Variants in LRRC36 observed in about 807,000 individuals in gnomAD.
LRRC36 encodes the protein leucine-rich repeat-containing protein 36.
LRRC36 carries 62 observed loss-of-function variants against 81.1 expected under a neutral mutation model. That is an observed-to-expected ratio of 0.76 (90% CI 0.62 to 0.94). The LOEUF is 0.94. Among genes scored for constraint, LRRC36 ranks in the 40% least tolerant of loss-of-function variants. The pLI, the probability that LRRC36 is intolerant of heterozygous loss-of-function variation, is 0.00. For missense variants in LRRC36, 761 were observed against 881.7 expected (o/e 0.86, Z 1.73); for synonymous variants, 334 against 348.6 (o/e 0.96, Z 0.47).
chr16:67,355,697 T>C (rs1426833393), intron 5 of LRRC36, among the ~76,000 whole-genome samples: 2 of 152,200 alleles, frequency 1.3e-5, no homozygotes, highest in Non-Finnish European at 2.9e-5. Context: ...TTTTATATAC[T>C]GAGTTTAGTT....
At chr16:67,347,442 TTA>T (rs1163701269) in intron 3 of LRRC36, 51 bp from the exon 4 acceptor site, 1 of 1,607,274 alleles carries the variant, frequency 6.2e-7, no homozygotes, top group Non-Finnish European at 8.5e-7. Flanking sequence ...TAACTACTAG[TTA>T]TGTCTATGCC....
At position 67,326,832 on chromosome 16, in the gene LRRC36, G is replaced by T; in HGVS notation, c.-31G>T. ...GGCCTGGCGTGCGCCGGGTGGTCTC[G>T]CGGGCGGTGGCAGGTGAGCGGCGGG... On this transcript the variant is annotated 5_prime_UTR_variant, in exon 1 of 14. Transcript: ENST00000329956. 1 of 1,411,144 alleles carries T rather than the reference G, an allele frequency of 7.1e-7. No homozygotes were observed. The allele number at this position is 1,411,144 out of a possible 1,614,324, so 87.4% of individuals were successfully genotyped here.
intron 5 of LRRC36, among the ~76,000 whole-genome samples, chr16:67,350,607 T>C (rs1159721401): frequency 2.6e-5 from 4 of 152,208 alleles, no homozygotes; most frequent in Non-Finnish European, 4.4e-5. Flanking sequence ...TCTGCATACA[T>C]CCAGCTCACA....
chr16:67,366,963 T>C, intron 7 of LRRC36, 54 bp from the exon 8 acceptor site: 1 of 1,421,548 alleles, frequency 7.0e-7, no homozygotes, highest in Non-Finnish European at 9.6e-7. Flanking sequence ...TACTCCCAGC[T>C]AGGCCACAAA....
intron 8 of LRRC36, among the ~76,000 whole-genome samples, chr16:67,367,839 T>C (rs567406424): frequency 1.4e-4 from 21 of 152,154 alleles, no homozygotes; most frequent in African/African-American, 5.1e-4. Context: ...GATCACGAGG[T>C]CAGGAGTTCG....
chr16:67,341,369 G>T (rs1158190668), intron 1 of LRRC36, among the ~76,000 whole-genome samples: 1 of 149,172 alleles, frequency 6.7e-6, no homozygotes, highest in East Asian at 2.0e-4. Context: ...TTTAATTCTT[G>T]TAACACCTTA....
intron 1 of LRRC36, among the ~76,000 whole-genome samples, chr16:67,332,591 G>A (rs887742421): frequency 1.3e-5 from 2 of 152,058 alleles, no homozygotes; most frequent in African/African-American, 4.8e-5. Flanking sequence ...ACACTGAAAC[G>A]AAATGCATAA....
intron 11 of LRRC36, 99 bp from the exon 12 acceptor site, chr16:67,378,490 T>C: frequency 9.0e-7 from 1 of 1,113,644 alleles, no homozygotes. Flanking sequence ...ACCATCCACC[T>C]CAGCCTCCCA....
intron 8 of LRRC36, among the ~76,000 whole-genome samples, chr16:67,370,731 C>T (rs1023355961): frequency 3.3e-5 from 5 of 151,770 alleles, no homozygotes; most frequent in African/African-American, 7.3e-5. Context: ...AGAACAGATG[C>T]GTTTTTTTCT....
At chr16:67,335,825 CG>C (rs2037734410) in intron 1 of LRRC36, among the ~76,000 whole-genome samples, 1 of 151,946 alleles carries the variant, frequency 6.6e-6, no homozygotes, top group Non-Finnish European at 1.5e-5. Context: ...CTCCACCTCC[CG>C]GGTTCAAGCG....
intron 5 of LRRC36, among the ~76,000 whole-genome samples, chr16:67,361,158 C>T (rs945139609): frequency 6.6e-6 from 1 of 152,192 alleles, no homozygotes; most frequent in African/African-American, 2.4e-5. Context: ...CCACCTCAGC[C>T]TCCCAAATAG....
chr16:67,377,969 C>A (rs1303910787), intron 11 of LRRC36, among the ~76,000 whole-genome samples: 6 of 152,152 alleles, frequency 3.9e-5, no homozygotes, highest in Non-Finnish European at 5.9e-5. Context: ...GATTTTCAGA[C>A]ACCAAGTTCA....
chr16:67,334,469 C>A (rs530121877), intron 1 of LRRC36, among the ~76,000 whole-genome samples: 4 of 152,014 alleles, frequency 2.6e-5, no homozygotes, highest in Non-Finnish European at 5.9e-5. Flanking sequence ...GGACTGCAGG[C>A]GTGTGCCACC....
chr16:67,331,959 G>GTTT (rs1419887889), intron 1 of LRRC36, among the ~76,000 whole-genome samples: 2 of 151,394 alleles, frequency 1.3e-5, no homozygotes, highest in African/African-American at 4.9e-5. Context: ...TTGCACTCCA[G>GTTT]CCTGGGCAAA....
chr16:67,343,742 A>G (rs1252629289), intron 2 of LRRC36, among the ~76,000 whole-genome samples: 1 of 151,952 alleles, frequency 6.6e-6, no homozygotes, highest in African/African-American at 2.4e-5. Context: ...GAACATATAT[A>G]AGACTCCTGG....
chr16:67,375,200 G>C (rs765105315), intron 9 of LRRC36, 47 bp from the exon 10 acceptor site: 15 of 1,581,888 alleles, frequency 9.5e-6, no homozygotes, highest in Middle Eastern at 1.7e-4. Flanking sequence ...AATGACAAAT[G>C]GTTGGGTTTT....
At chr16:67,375,491 T>A in intron 10 of LRRC36, 79 bp downstream of exon 10, 1 of 1,232,872 alleles carries the variant, frequency 8.1e-7, no homozygotes, top group South Asian at 1.7e-5. Context: ...GCCACTTAGC[T>A]CTCTTCACTT....
intron 2 of LRRC36, among the ~76,000 whole-genome samples, chr16:67,343,982 A>T (rs1202153613): frequency 6.6e-6 from 1 of 151,522 alleles, no homozygotes; most frequent in Non-Finnish European, 1.5e-5. Context: ...ACACCCAGCT[A>T]ATTTTTGTAT....
chr16:67,334,534 A>G (rs1341440448), intron 1 of LRRC36, among the ~76,000 whole-genome samples: 2 of 151,562 alleles, frequency 1.3e-5, no homozygotes, highest in Non-Finnish European at 2.9e-5. Context: ...CATGTTGGCC[A>G]GGCTGGTCTC....
Sources: allele counts gnomAD v4.1 joint callset (sites outside exome capture counted in the v4.1 genomes callset), GRCh38; gene constraint gnomAD v4.1.1; transcripts MANE v1.5; gene names NCBI Gene and HGNC (gene_info 2026-07-23, HGNC 2026-07-21).